Variants in OCA2 observed in about 807,000 individuals in gnomAD.
OCA2 encodes the protein OCA2 melanosomal transmembrane protein.
A neutral mutation model predicts 100.2 loss-of-function variants in OCA2; 77 were observed. The observed-to-expected ratio is 0.77, with a 90% confidence interval of 0.64 to 0.93. OCA2 has a LOEUF of 0.93. OCA2 is among the 40% of genes least tolerant of loss of function. OCA2 has a pLI of 0.00. For missense variants in OCA2, 1,062 were observed against 1,089.1 expected (o/e 0.98, Z 0.35); for synonymous variants, 432 against 439.2 (o/e 0.98, Z 0.21).
chr15:28,024,060 C>T (rs564265730), intron 5 of OCA2, among the ~76,000 whole-genome samples: 233 of 152,338 alleles, frequency 1.5e-3, no homozygotes, highest in South Asian at 4.1e-3. Context: ...CAGGCTACAT[C>T]AGGCCACAAA....
At chr15:27,750,167 T>G (rs1021906110), downstream of OCA2, among the ~76,000 whole-genome samples, 1 of 152,316 alleles carries the variant, frequency 6.6e-6, no homozygotes, top group African/African-American at 2.4e-5. Context: ...GTCTCAAGAT[T>G]CATCCCTCAA....
chr15:27,835,195 C>G (rs2035101937), intron 23 of OCA2, among the ~76,000 whole-genome samples: 1 of 152,180 alleles, frequency 6.6e-6, no homozygotes. Flanking sequence ...ATGGCTAAAG[C>G]AAAATGCAAT....
intron 23 of OCA2, among the ~76,000 whole-genome samples, chr15:27,779,509 TG>T (rs1409217460): frequency 6.6e-6 from 1 of 152,228 alleles, no homozygotes; most frequent in African/African-American, 2.4e-5. Flanking sequence ...CATCATTATA[TG>T]GCATCTTTCT....
At chr15:27,862,536 G>A (rs1399215239) in intron 21 of OCA2, among the ~76,000 whole-genome samples, 1 of 149,534 alleles carries the variant, frequency 6.7e-6, no homozygotes, top group Non-Finnish European at 1.5e-5. Flanking sequence ...GTGAAGTGGT[G>A]CGATCTCGGC....
chr15:28,076,255 C>G (rs2044422586), intron 2 of OCA2, among the ~76,000 whole-genome samples: 1 of 152,164 alleles, frequency 6.6e-6, no homozygotes, highest in Admixed American at 6.5e-5. Flanking sequence ...AAATTTTCAG[C>G]AATATATTTA....
At chr15:28,064,318 G>A (rs574898653) in intron 2 of OCA2, among the ~76,000 whole-genome samples, 38 of 151,942 alleles carry the variant, frequency 2.5e-4, no homozygotes, top group Admixed American at 7.2e-4. Context: ...CATCTGTGTC[G>A]TTTTCAGTTA....
intron 21 of OCA2, among the ~76,000 whole-genome samples, chr15:27,866,847 T>C (rs901667515): frequency 5.3e-5 from 8 of 152,228 alleles, no homozygotes; most frequent in African/African-American, 1.9e-4. Context: ...GCCACCTGCA[T>C]TGCAGCTAGA....
At chr15:27,871,731 A>C (rs965537983) in intron 20 of OCA2, 132 bp downstream of exon 20, 2 of 727,378 alleles carry the variant, frequency 2.7e-6, no homozygotes, top group Non-Finnish European at 4.8e-6. Flanking sequence ...ACAGGATAGA[A>C]CAGGTTCCCT....
intron 19 of OCA2, among the ~76,000 whole-genome samples, chr15:27,875,433 G>T (rs2036749568): frequency 6.6e-6 from 1 of 152,074 alleles, no homozygotes; most frequent in Non-Finnish European, 1.5e-5. Flanking sequence ...CAGGAAATCA[G>T]GTAAGTGCTC....
chr15:27,960,178 T>G (rs2040362328), intron 15 of OCA2, among the ~76,000 whole-genome samples: 1 of 152,236 alleles, frequency 6.6e-6, no homozygotes, highest in Admixed American at 6.5e-5. Context: ...CTTCTTAGTT[T>G]TTATATAATG....
intron 21 of OCA2, among the ~76,000 whole-genome samples, chr15:27,869,842 A>C (rs2036472554): frequency 6.6e-6 from 1 of 152,204 alleles, no homozygotes; most frequent in Admixed American, 6.5e-5. Flanking sequence ...GCCCTGCCAG[A>C]AGGCATCAGC....
chr15:27,968,668 A>C (rs139034126), intron 14 of OCA2, among the ~76,000 whole-genome samples: 2 of 152,364 alleles, frequency 1.3e-5, no homozygotes, highest in East Asian at 1.9e-4. Context: ...GCCAATATAC[A>C]ATAATCTGAA....
intron 19 of OCA2, among the ~76,000 whole-genome samples, chr15:27,913,871 G>GAAAGAAAGAA (rs2038520050): frequency 2.0e-5 from 1 of 50,210 alleles, no homozygotes; most frequent in Admixed American, 2.6e-4. Context: ...AAGAAAGAAA[G>GAAAGAAAGAA]AAAGAAAGAA....
rs937377321 is a variant in OCA2, at chr15:27,871,798, T to C, written c.2139+65A>G. ...GTTCTTACCAGAGTGCTTTTTTTTT[T>C]TAATTTTTTTCACAAAATCAAAGAA... is the stretch of plus-strand genomic sequence containing the variant. On this transcript the variant is annotated intron_variant, in intron 20 of 23. Transcript: ENST00000354638. The C allele has an allele frequency of 5.0e-6, 6 of 1,194,946 alleles. No homozygotes were observed. The Admixed American group carries it at 8.9e-5, about 18-fold the overall frequency. The allele number at this position is 1,194,946 out of a possible 1,614,324, so 74.0% of individuals were successfully genotyped here.
At position 27,942,372 on chromosome 15, in the gene OCA2, T is replaced by C. The variant is rs1197691201; in HGVS notation, c.1951+9412A>G. Among the ~76,000 whole-genome samples, 9 of 151,686 alleles carry C rather than the reference T, an allele frequency of 5.9e-5. No individual in the cohort carries two copies. In the East Asian group the frequency reaches 9.7e-4, roughly 16 times the overall value. On this transcript the variant is annotated intron_variant, in intron 18 of 23. Transcript: ENST00000354638. ...ATGCAACACGGATGCACCTTGAAAATGTTATGCTAAGTGAAAGAAGCTGGA... is the reference window on the plus strand; with the variant it reads ...ATGCAACACGGATGCACCTTGAAAACGTTATGCTAAGTGAAAGAAGCTGGA...
chr15:27,973,023 G>A (rs573175990), intron 14 of OCA2, among the ~76,000 whole-genome samples: 3 of 151,426 alleles, frequency 2.0e-5, no homozygotes, highest in Non-Finnish European at 2.9e-5. Context: ...GCACCACCAC[G>A]CCCAGCTATT....
chr15:27,723,031 T>C, the OCA2 span, among the ~76,000 whole-genome samples: 11 of 151,710 alleles, frequency 7.3e-5, no homozygotes, highest in African/African-American at 2.4e-4. Flanking sequence ...TTAGTAGAGA[T>C]GGGGTTTCAC....
chr15:27,935,923 C>T (rs915861232), intron 18 of OCA2, among the ~76,000 whole-genome samples: 3 of 152,174 alleles, frequency 2.0e-5, no homozygotes, highest in African/African-American at 7.2e-5. Context: ...ACCTATGTAC[C>T]TTGAGGCACA....
chr15:27,900,293 C>A (rs542778431), intron 19 of OCA2, among the ~76,000 whole-genome samples: 1 of 152,072 alleles, frequency 6.6e-6, no homozygotes, highest in Non-Finnish European at 1.5e-5. Context: ...ACAGCTACTG[C>A]GCACATGCAC....
Sources: allele counts gnomAD v4.1 joint callset (sites outside exome capture counted in the v4.1 genomes callset), GRCh38; gene constraint gnomAD v4.1.1; transcripts MANE v1.5; gene names NCBI Gene and HGNC (gene_info 2026-07-23, HGNC 2026-07-21).